The following FBLN1 variants were observed in gnomAD, a reference collection of about 807,000 sequenced individuals.
The protein encoded by FBLN1 is fibulin 1.
FBLN1 carries 34 observed loss-of-function variants against 89.7 expected under a neutral mutation model. The observed-to-expected ratio is 0.38, with a 90% CI of 0.29 to 0.50. The LOEUF (loss-of-function observed/expected upper bound fraction) is 0.50, where lower values mean the gene tolerates loss of function less well. FBLN1 is among the 20% of genes least tolerant of loss of function. The pLI is 0.92. For synonymous variants in FBLN1, 393 were observed against 391.3 expected (o/e 1.00, Z -0.05); for missense variants, 777 against 988.1 (o/e 0.79, Z 2.86).
At chr22:45,511,176 CAG>C (rs1378539945) in intron 1 of FBLN1, among the ~76,000 whole-genome samples, 3 of 142,504 alleles carry the variant, frequency 2.1e-5, no homozygotes, top group Admixed American at 1.4e-4. Context: ...TTTTTTGAGA[CAG>C]AGTTTCGCTC....
At position 45,536,422 on chromosome 22, in the gene FBLN1, T is replaced by C. The variant is rs560587702; in HGVS notation, c.922+1085T>C. Among the ~76,000 whole-genome samples, 1 of 152,264 alleles carries C rather than the reference T, an allele frequency of 6.6e-6. No individual in the cohort carries two copies. The highest frequency in any genetic ancestry group is 1.9e-4 in the East Asian group (1 of 5,180). On this transcript the variant is annotated intron_variant, in intron 8 of 16. Transcript: ENST00000327858. The surrounding 1 kb of genome is among the most constrained non-coding windows in gnomAD (Gnocchi z 5.1). ...TACTTAAAATGGTTACGATGGCAGATTTTGTGTTACATAAAATTTGTAGTT... is the reference window on the plus strand; with the variant it reads ...TACTTAAAATGGTTACGATGGCAGACTTTGTGTTACATAAAATTTGTAGTT...
Position 45,597,814 on chromosome 22 carries a change from G to T in FBLN1, c.1973-2493G>T, listed in dbSNP as rs566725627. 6.6e-6 allele frequency among the ~76,000 whole-genome samples: 1 copy of T among 152,338 alleles called. No individual in the cohort carries two copies. The highest frequency in any genetic ancestry group is 1.5e-5 in the Non-Finnish European group (1 of 68,028). ...TCTCTCCATCGGAGCTAAAGCCCATGTTTGCTTAGGGAACAGCCTGAAATT... is the reference window on the plus strand; with the variant it reads ...TCTCTCCATCGGAGCTAAAGCCCATTTTTGCTTAGGGAACAGCCTGAAATT... On this transcript the variant is annotated intron_variant, in intron 16 of 16. Coordinates refer to ENST00000327858, the MANE Select transcript of FBLN1 (RefSeq NM_006486.3). The surrounding 1 kb of genome is among the most constrained non-coding windows in gnomAD (Gnocchi z 4.2).
In FBLN1 at chr22:45,542,324, C is replaced by T. The variant is rs144267088; in HGVS notation, c.1195+41C>T. The T allele has an allele frequency of 3.2e-4, 519 of 1,612,444 alleles. No homozygotes were observed. In the African/African-American group the frequency reaches 6.0e-3, roughly 19 times the overall value. ...CGCAGGCCTCGGGGGAACCCAGCCA[C>T]GTGGCACCAGGGACACATTTCTGTG... On this transcript the variant is annotated intron_variant, in intron 10 of 16. Transcript: ENST00000327858.
chr22:45,523,231 G>T, intron 2 of FBLN1: 1 of 755,906 alleles, frequency 1.3e-6, no homozygotes, highest in Admixed American at 1.8e-5. Context: ...GGCCAGGGTG[G>T]CTGGAGTGGA....
At chr22:45,514,729 C>T (rs975273329) in intron 1 of FBLN1, among the ~76,000 whole-genome samples, 1 of 152,162 alleles carries the variant, frequency 6.6e-6, no homozygotes, top group Non-Finnish European at 1.5e-5. Context: ...TGAGCCGTGA[C>T]GTTTGTGCTG....
chr22:45,574,674 G>A lies in FBLN1; in HGVS notation c.1840+21G>A, dbSNP rs759661519. On this transcript the variant is annotated intron_variant, in intron 15 of 16. Coordinates refer to ENST00000327858, the MANE Select transcript of FBLN1 (RefSeq NM_006486.3). The surrounding 1 kb of genome is among the most constrained non-coding windows in gnomAD (Gnocchi z 4.1). ...TGAAGGTGAGTGGGATGGGTGTGGG[G>A]GTCCCAGGGCCCCCTAGGGCCTCCC... The A allele has an allele frequency of 6.8e-6, 11 of 1,610,690 alleles. No homozygotes were observed. The East Asian group carries it at 1.8e-4, about 26-fold the overall frequency.
At chr22:45,596,045 A>AT (rs2089182603) in intron 16 of FBLN1, among the ~76,000 whole-genome samples, 1 of 151,870 alleles carries the variant, frequency 6.6e-6, no homozygotes, top group Non-Finnish European at 1.5e-5. Context: ...AATTTTTTGT[A>AT]TTTTTAGTAG....
chr22:45,592,206 C>A (rs757164510), intron 16 of FBLN1, among the ~76,000 whole-genome samples: 12 of 152,184 alleles, frequency 7.9e-5, no homozygotes, highest in Admixed American at 2.6e-4. Flanking sequence ...GGGCTGAATG[C>A]GGCTGTGGGC....
intron 14 of FBLN1, among the ~76,000 whole-genome samples, chr22:45,560,870 G>T (rs1282991931): frequency 1.3e-5 from 2 of 152,104 alleles, no homozygotes; most frequent in Non-Finnish European, 2.9e-5. Context: ...CTCCTGAGGA[G>T]AATCAACATT....
chr22:45,539,485 C>T (rs1346363161), intron 8 of FBLN1, among the ~76,000 whole-genome samples: 1 of 152,094 alleles, frequency 6.6e-6, no homozygotes, highest in Non-Finnish European at 1.5e-5. Context: ...AGGCGTGAGC[C>T]ACCACGCCCA....
rs6007077 is a variant in FBLN1 at position 45,527,540 on chromosome 22, G to A, written c.322-307G>A. Among the ~76,000 whole-genome samples the A allele has an allele frequency of 0.068, 10,379 of 152,068 alleles. 1,155 individuals carry two copies. The highest frequency in any genetic ancestry group is 0.24 in the African/African-American group (9,727 of 41,386). On this transcript the variant is annotated intron_variant, in intron 3 of 16. Transcript: ENST00000327858. ...TTCCTGGATGTGTGCGAGCAGAGCC[G>A]GGTGGTCTCTGGGCGGGGCAGGGAT...
intron 14 of FBLN1, chr22:45,565,286 G>A (rs1170284918): frequency 1.5e-6 from 2 of 1,309,664 alleles, no homozygotes; most frequent in African/African-American, 3.0e-5. Context: ...CCTTGGAATG[G>A]CATGGGAGGC....
In FBLN1 at chr22:45,542,143, C is replaced by T; in HGVS notation, c.1067-12C>T. The T allele has an allele frequency of 6.2e-7, 1 of 1,614,194 alleles. No individual in the cohort carries two copies. The highest frequency in any genetic ancestry group is 2.2e-5 in the East Asian group (1 of 44,892). The stretch of plus-strand genomic sequence containing the variant: ...AAAGGTTTTCATCATGGCTTTCTTT[C>T]TCCTTTGCAAGATGTGGACGAGTGC... On this transcript the variant is annotated splice_polypyrimidine_tract_variant and intron_variant, in intron 9 of 16. Coordinates refer to ENST00000327858, the MANE Select transcript of FBLN1 (RefSeq NM_006486.3).
chr22:45,589,654 T>C (rs1310182171), intron 16 of FBLN1, among the ~76,000 whole-genome samples: 5 of 152,164 alleles, frequency 3.3e-5, no homozygotes, highest in Non-Finnish European at 7.3e-5. Flanking sequence ...CAACTTCACC[T>C]GTCCCCTCCT....
chr22:45,513,307 C>CTT lies in FBLN1; in HGVS notation c.80-5361_80-5360dup, dbSNP rs34166807. 3.6e-3 allele frequency among the ~76,000 whole-genome samples: 508 copies of CTT among 141,076 alleles called. 8 individuals are homozygous for CTT. The highest frequency in any genetic ancestry group is 5.6e-3 in the Non-Finnish European group (364 of 65,420). The allele number at this position is 141,076 out of a possible 152,430, so 92.6% of individuals were successfully genotyped here. ...TGGGATTTGCCATTTTAACCATTTC[C>CTT]TTTTTTTTTTTTTTTGAGATGTAGT... On this transcript the variant is annotated intron_variant, in intron 1 of 16. Transcript: ENST00000327858.
At chr22:45,571,850 G>T (rs1436599936) in intron 14 of FBLN1, among the ~76,000 whole-genome samples, 1 of 152,072 alleles carries the variant, frequency 6.6e-6, no homozygotes, top group Non-Finnish European at 1.5e-5. Context: ...ACAAAAACAG[G>T]CCAGGCGCGG....
intron 14 of FBLN1, among the ~76,000 whole-genome samples, chr22:45,568,809 G>A (rs201478091): frequency 0.021 from 1,279 of 60,974 alleles, 224 homozygotes; most frequent in African/African-American, 0.048. Flanking sequence ...CTCTTCTGTA[G>A]GGGAATGCTC....
Position 45,549,789 on chromosome 22 carries a change from T to C in FBLN1, c.1574-703T>C, listed in dbSNP as rs1001285545. Among the ~76,000 whole-genome samples, 7 of 152,158 alleles carry C rather than the reference T, an allele frequency of 4.6e-5. No homozygotes were observed. The highest frequency in any genetic ancestry group is 1.7e-4 in the African/African-American group (7 of 41,442). On this transcript the variant is annotated intron_variant, in intron 13 of 16. Transcript: ENST00000327858. This position sits in a 1 kb window ranked among gnomAD's most constrained non-coding sequence, Gnocchi z 5.7. The stretch of plus-strand genomic sequence containing the variant: ...GCTCCAGAGTCTATGGGAGTTGGGC[T>C]GCTCCCCCATCTCCAGGGGCCTCTC...
rs2089000073 is a variant in FBLN1 at position 45,576,696 on chromosome 22, C to T, written c.1841-281C>T. Among the ~76,000 whole-genome samples, 1 of 152,198 alleles carries T rather than the reference C, an allele frequency of 6.6e-6. No individual in the cohort carries two copies. The highest frequency in any genetic ancestry group is 2.4e-5 in the African/African-American group (1 of 41,452). On this transcript the variant is annotated intron_variant, in intron 15 of 16. Transcript: ENST00000327858. The surrounding 1 kb of genome is among the most constrained non-coding windows in gnomAD (Gnocchi z 5.2). Reference sequence around the variant, plus strand: ...ATATGCACAGTGACTGATGACTTCTCACCAGCCCTTCCTCTGATTAGCTCT... The same window carrying T: ...ATATGCACAGTGACTGATGACTTCTTACCAGCCCTTCCTCTGATTAGCTCT...
Sources: gnomAD v4.1 joint callset for allele counts (sites outside exome capture counted in the v4.1 genomes callset) on GRCh38, gnomAD v4.1.1 for gene constraint, Gnocchi (gnomAD v3.1) non-coding constraint, MANE v1.5 for transcripts, NCBI Gene and HGNC (gene_info 2026-07-23, HGNC 2026-07-21) for gene names.